The following COLGALT2 variants were observed in gnomAD, a reference collection of about 807,000 sequenced individuals.
The protein encoded by COLGALT2 is collagen beta(1-O)galactosyltransferase 2.
A neutral mutation model predicts 73.4 loss-of-function variants in COLGALT2; 49 were observed. That is an observed-to-expected ratio of 0.67 (90% CI 0.53 to 0.85). The LOEUF (loss-of-function observed/expected upper bound fraction) is 0.85, where lower values mean the gene tolerates loss of function less well. Among genes scored for constraint, COLGALT2 ranks in the 40% least tolerant of loss-of-function variants. The probability of loss-of-function intolerance (pLI) is 0.00; values close to 1 mark genes in which losing one functional copy is unlikely to be tolerated. For missense variants in COLGALT2, 722 were observed against 790.2 expected, an observed-to-expected ratio of 0.91 and a Z score of 1.03; for synonymous variants, 295 against 307.6, an observed-to-expected ratio of 0.96 and a Z score of 0.43.
At chr1:184,030,095 A>G (rs1649460640) in intron 1 of COLGALT2, among the ~76,000 whole-genome samples, 1 of 152,148 alleles carries the variant, frequency 6.6e-6, no homozygotes, top group South Asian at 2.1e-4. Context: ...TTTTTTTATT[A>G]CTTTCCCATT....
At chr1:183,934,421 C>T (rs1045117041), downstream of COLGALT2, among the ~76,000 whole-genome samples, 2 of 152,168 alleles carry the variant, frequency 1.3e-5, no homozygotes, top group African/African-American at 4.8e-5. Flanking sequence ...TGGCCTTCCT[C>T]CCTCAGCTGC....
At chr1:183,956,956 T>G (rs189741686) in intron 6 of COLGALT2, among the ~76,000 whole-genome samples, 47 of 152,246 alleles carry the variant, frequency 3.1e-4, no homozygotes, top group African/African-American at 1.1e-3. Flanking sequence ...TGGCTTCTGT[T>G]TGTAGTCATT....
intron 5 of COLGALT2, among the ~76,000 whole-genome samples, chr1:183,967,447 C>A (rs1670910606): frequency 6.6e-6 from 1 of 152,200 alleles, no homozygotes; most frequent in South Asian, 2.1e-4. Flanking sequence ...TTTCAATGTT[C>A]TAAAAAAGCC....
At chr1:184,006,876 C>T (rs967797399) in intron 1 of COLGALT2, among the ~76,000 whole-genome samples, 2 of 152,214 alleles carry the variant, frequency 1.3e-5, no homozygotes, top group African/African-American at 2.4e-5. Context: ...TTCACTGGCA[C>T]TTTGCAATAC....
intron 1 of COLGALT2, among the ~76,000 whole-genome samples, chr1:184,002,484 C>T (rs758639320): frequency 2.0e-5 from 3 of 152,220 alleles, no homozygotes; most frequent in African/African-American, 7.2e-5. Flanking sequence ...TTTCCCTAGG[C>T]AGGCTGCTGC....
chr1:183,933,308 G>A (rs1199966474), downstream of COLGALT2, among the ~76,000 whole-genome samples: 3 of 152,108 alleles, frequency 2.0e-5, no homozygotes, highest in Non-Finnish European at 4.4e-5. Flanking sequence ...TGAGCACCAG[G>A]ACTTTGCTCC....
intron 1 of COLGALT2, among the ~76,000 whole-genome samples, chr1:183,980,142 A>AAAAAAAT (rs1461463925): frequency 1.3e-5 from 2 of 152,004 alleles, no homozygotes; most frequent in Non-Finnish European, 2.9e-5. Flanking sequence ...ATTCAGTTTT[A>AAAAAAAT]TATGCTTAAA....
chr1:183,968,014 G>A (rs12132118), intron 5 of COLGALT2, among the ~76,000 whole-genome samples: 14,539 of 152,176 alleles, frequency 0.096, 1,041 homozygotes, highest in African/African-American at 0.2. Flanking sequence ...CAACTGATGA[G>A]TGGGACATCT....
intron 4 of COLGALT2, among the ~76,000 whole-genome samples, chr1:183,972,780 A>G (rs1319352938): frequency 6.6e-6 from 1 of 151,994 alleles, no homozygotes; most frequent in Non-Finnish European, 1.5e-5. Context: ...GCTCACTGCA[A>G]GCTCCGCCTC....
intron 11 of COLGALT2, 27 bp from the exon 12 acceptor site, chr1:183,939,064 A>G: frequency 1.3e-6 from 2 of 1,581,730 alleles, no homozygotes; most frequent in Non-Finnish European, 1.7e-6. Context: ...GGCCGGACAC[A>G]TGAGGGGGCG....
At chr1:183,954,466 G>T (rs1442730194) in intron 7 of COLGALT2, among the ~76,000 whole-genome samples, 1 of 152,172 alleles carries the variant, frequency 6.6e-6, no homozygotes, top group Non-Finnish European at 1.5e-5. Flanking sequence ...TGATAAAAAG[G>T]TTGATTAAAA....
chr1:183,936,472 C>T lies in COLGALT2; in HGVS notation c.*2289G>A, dbSNP rs1669957983. 2.0e-6 allele frequency: 2 copies of T among 993,098 alleles called. No homozygotes were observed. Among genetic ancestry groups the T allele is most frequent in the South Asian group, 4.7e-5 (1 of 21,334 alleles). 61.5% of individuals were successfully genotyped at this position (993,098 alleles called of 1,614,324 possible). ...AAATGCTAGAATTTAAGTCCAAAGT[C>T]TTTTAAGAATGAGAGTTCTTAAATC... On this transcript the variant is annotated 3_prime_UTR_variant, in exon 12 of 12. Coordinates refer to ENST00000361927, the MANE Select transcript of COLGALT2 (RefSeq NM_015101.4).
At chr1:184,029,072 T>C (rs1012020299) in intron 1 of COLGALT2, among the ~76,000 whole-genome samples, 2 of 152,252 alleles carry the variant, frequency 1.3e-5, no homozygotes, top group Non-Finnish European at 2.9e-5. Flanking sequence ...AGAAACGCCC[T>C]GCAGCCAAAT....
intron 5 of COLGALT2, among the ~76,000 whole-genome samples, chr1:183,968,805 A>G (rs558166754): frequency 1.3e-5 from 2 of 152,316 alleles, no homozygotes; most frequent in African/African-American, 4.8e-5. Context: ...GCAATACACA[A>G]GAAGCCTGGG....
At position 183,985,721 on chromosome 1, in the gene COLGALT2, C is replaced by T. The variant is rs143633468; in HGVS notation, c.264-7201G>A. ...GTAGCAGGATGGCAACACTGGACAA[C>T]GACTGATCTATTGATCTTGCTGCCT... On this transcript the variant is annotated intron_variant, in intron 1 of 11. Transcript: ENST00000361927. Among the ~76,000 whole-genome samples, 6 of 152,254 alleles carry T rather than the reference C, an allele frequency of 3.9e-5. No individual in the cohort carries two copies. In the East Asian group the frequency reaches 7.7e-4, roughly 20 times the overall value.
At chr1:183,965,831 G>C (rs1670852796) in intron 5 of COLGALT2, among the ~76,000 whole-genome samples, 1 of 152,198 alleles carries the variant, frequency 6.6e-6, no homozygotes, top group Non-Finnish European at 1.5e-5. Context: ...GAATGACCAA[G>C]CTTGGAGTTA....
downstream of COLGALT2, among the ~76,000 whole-genome samples, chr1:183,934,992 G>A (rs1223182743): frequency 6.6e-6 from 1 of 152,190 alleles, no homozygotes; most frequent in Non-Finnish European, 1.5e-5. Flanking sequence ...TTGTGTCTCA[G>A]TCTTGTTTGT....
chr1:183,943,255 A>G (rs903595830), intron 10 of COLGALT2, among the ~76,000 whole-genome samples: 5 of 152,204 alleles, frequency 3.3e-5, no homozygotes, highest in African/African-American at 1.2e-4. Context: ...CTGGGCCCAC[A>G]GTTAAATACC....
At chr1:183,963,506 T>A (rs1181755117) in intron 6 of COLGALT2, among the ~76,000 whole-genome samples, 2 of 152,166 alleles carry the variant, frequency 1.3e-5, no homozygotes, top group Non-Finnish European at 2.9e-5. Flanking sequence ...TATACCATAA[T>A]GAATCTGCCC....
Sources: gnomAD v4.1 joint callset for allele counts (sites outside exome capture counted in the v4.1 genomes callset) on GRCh38, gnomAD v4.1.1 for gene constraint, MANE v1.5 for transcripts, NCBI Gene and HGNC (gene_info 2026-07-23, HGNC 2026-07-21) for gene names.